Variants in PACRG observed in about 807,000 individuals in gnomAD.
The protein encoded by PACRG is parkin coregulated gene protein.
A neutral mutation model predicts 29.7 loss-of-function variants in PACRG; 29 were observed. That is an observed-to-expected ratio of 0.98 (90% CI 0.73 to 1.33). The LOEUF is 1.33. PACRG is among the 40% of genes most tolerant of loss of function. The pLI, the probability that PACRG is intolerant of heterozygous loss-of-function variation, is 0.00. For missense variants in PACRG, 279 were observed against 316.2 expected (o/e 0.88, Z 0.89); for synonymous variants, 116 against 118.7 (o/e 0.98, Z 0.15).
rs1379548283 is a variant in PACRG at position 163,218,027 on chromosome 6, G to T, written c.614-96800G>T. Among the ~76,000 whole-genome samples, 7 of 152,138 alleles carry T rather than the reference G, an allele frequency of 4.6e-5. 1 individual carries two copies. The highest frequency in any genetic ancestry group is 2.6e-4 in the Admixed American group (4 of 15,274). On this transcript the variant is annotated intron_variant, in intron 4 of 4. Coordinates refer to ENST00000366888, the MANE Select transcript of PACRG (RefSeq NM_001080379.2). Reference sequence around the variant, plus strand: ...TGGAAAAATTGTGTTGGGTGAGACTGGTCCCTGATGCCAAAAAGGCTGGGG... The same window carrying T: ...TGGAAAAATTGTGTTGGGTGAGACTTGTCCCTGATGCCAAAAAGGCTGGGG...
intron 2 of PACRG, among the ~76,000 whole-genome samples, chr6:163,041,262 G>A (rs1454160370): frequency 6.6e-6 from 1 of 152,064 alleles, no homozygotes; most frequent in Non-Finnish European, 1.5e-5. Context: ...GCGTGAACCT[G>A]GGAGGCGGAG....
chr6:162,977,881 C>T (rs1339416622), intron 2 of PACRG, among the ~76,000 whole-genome samples: 3 of 152,266 alleles, frequency 2.0e-5, no homozygotes, highest in African/African-American at 4.8e-5. Context: ...CAGTGGCTCA[C>T]GTCTGTAATC....
chr6:163,296,641 GT>G (rs1412400072), intron 4 of PACRG, among the ~76,000 whole-genome samples: 1 of 152,178 alleles, frequency 6.6e-6, no homozygotes, highest in Non-Finnish European at 1.5e-5. Context: ...GCCCAGTGAT[GT>G]AGTTCTTTAT....
At chr6:163,306,487 T>G (rs910288336) in intron 4 of PACRG, among the ~76,000 whole-genome samples, 8 of 152,228 alleles carry the variant, frequency 5.3e-5, no homozygotes, top group African/African-American at 9.6e-5. Flanking sequence ...AGCTTGCCTT[T>G]TTGTAGTCTT....
At chr6:163,197,434 C>CT (rs57942658) in intron 4 of PACRG, among the ~76,000 whole-genome samples, 1,068 of 106,280 alleles carry the variant, frequency 0.01, 47 homozygotes, top group East Asian at 0.015. Context: ...CTTTTCTTTT[C>CT]TTTTTTTTTT....
At chr6:163,252,723 C>T (rs910358118) in intron 4 of PACRG, among the ~76,000 whole-genome samples, 1 of 152,202 alleles carries the variant, frequency 6.6e-6, no homozygotes, top group African/African-American at 2.4e-5. Flanking sequence ...CGCTTTTAAC[C>T]TGTTGGCAAG....
chr6:163,162,144 C>T (rs1447407407), intron 4 of PACRG, among the ~76,000 whole-genome samples: 6 of 152,264 alleles, frequency 3.9e-5, no homozygotes, highest in East Asian at 1.9e-4. Context: ...GAAAGTAACC[C>T]GCCAGCTGCC....
chr6:163,119,478 CA>C (rs1363333284), intron 4 of PACRG, among the ~76,000 whole-genome samples: 1 of 152,186 alleles, frequency 6.6e-6, no homozygotes, highest in Non-Finnish European at 1.5e-5. Context: ...CAGCTCTAAG[CA>C]AACTGTCTTT....
chr6:163,101,193 A>G, intron 4 of PACRG: 1 of 983,996 alleles, frequency 1.0e-6, no homozygotes, highest in South Asian at 4.7e-5. Context: ...TCTTAAGTTC[A>G]TTTCTTGAAA....
chr6:162,978,483 T>TAC (rs34615004), intron 2 of PACRG, among the ~76,000 whole-genome samples: 75,563 of 151,036 alleles, frequency 0.5, 19,440 homozygotes, highest in East Asian at 0.78. Context: ...CACACACACA[T>TAC]ACACACACAC....
intron 4 of PACRG, among the ~76,000 whole-genome samples, chr6:163,262,156 T>A (rs1326308604): frequency 1.3e-5 from 2 of 152,238 alleles, no homozygotes; most frequent in African/African-American, 4.8e-5. Context: ...GGCCCAAGAC[T>A]TTGAGCTGTT....
At chr6:163,200,020 G>A (rs183199595) in intron 4 of PACRG, among the ~76,000 whole-genome samples, 10 of 152,142 alleles carry the variant, frequency 6.6e-5, no homozygotes, top group Non-Finnish European at 4.4e-5. Context: ...CAGACTTGCC[G>A]AAGAATACAA....
chr6:162,880,750 C>T (rs1337267351), intron 2 of PACRG, among the ~76,000 whole-genome samples: 1 of 152,098 alleles, frequency 6.6e-6, no homozygotes, highest in African/African-American at 2.4e-5. Flanking sequence ...CAAAAATAAG[C>T]AGTAAAAAAT....
At chr6:163,085,294 A>C (rs986449853) in intron 3 of PACRG, among the ~76,000 whole-genome samples, 3 of 152,192 alleles carry the variant, frequency 2.0e-5, no homozygotes, top group Non-Finnish European at 4.4e-5. Flanking sequence ...AGTTTATAAG[A>C]TATTTAGCTA....
intron 1 of PACRG, among the ~76,000 whole-genome samples, chr6:162,813,891 T>C (rs958928345): frequency 6.6e-6 from 1 of 152,188 alleles, no homozygotes; most frequent in African/African-American, 2.4e-5. Context: ...TCTAAAGTGA[T>C]ATTTTAAGAG....
intron 2 of PACRG, among the ~76,000 whole-genome samples, chr6:163,026,395 C>T (rs943034224): frequency 2.0e-5 from 3 of 152,270 alleles, no homozygotes; most frequent in Non-Finnish European, 4.4e-5. Context: ...ATATATGTGA[C>T]CTTTCTAATT....
chr6:163,306,190 A>T (rs1785191920), intron 4 of PACRG, among the ~76,000 whole-genome samples: 2 of 152,342 alleles, frequency 1.3e-5, no homozygotes, highest in East Asian at 3.9e-4. Context: ...ATGACATTAT[A>T]TTGTTGTTAT....
At chr6:162,752,385 G>T (rs1045551239) in intron 1 of PACRG, among the ~76,000 whole-genome samples, 1 of 152,130 alleles carries the variant, frequency 6.6e-6, no homozygotes, top group Non-Finnish European at 1.5e-5. Flanking sequence ...GCAAGAGTTG[G>T]GGGAGTTAGG....
intron 4 of PACRG, chr6:163,111,944 A>G: frequency 2.1e-6 from 1 of 477,392 alleles, no homozygotes; most frequent in Non-Finnish European, 2.7e-6. Flanking sequence ...GAAATTAATC[A>G]TATTCTGAAT....
Sources: allele counts gnomAD v4.1 joint callset (sites outside exome capture counted in the v4.1 genomes callset), GRCh38; gene constraint gnomAD v4.1.1; transcripts MANE v1.5; gene names NCBI Gene and HGNC (gene_info 2026-07-23, HGNC 2026-07-21).